The following ANKRD27 variants were observed in gnomAD, a reference collection of about 807,000 sequenced individuals.
ANKRD27 encodes ankyrin repeat domain 27.
ANKRD27 carries 112 observed loss-of-function variants against 129.7 expected under a neutral mutation model. That is an observed-to-expected ratio of 0.86 (90% CI 0.74 to 1.01). ANKRD27 has a LOEUF of 1.01. Ranked by LOEUF, ANKRD27 falls within the 50% of genes least tolerant of loss-of-function variation. The pLI, the probability that ANKRD27 is intolerant of heterozygous loss-of-function variation, is 0.00. For synonymous variants in ANKRD27, 516 were observed against 511.2 expected (o/e 1.01, Z -0.13); for missense variants, 1,258 against 1,300.5 (o/e 0.97, Z 0.50).
chr19:32,611,272 G>T (rs1394818837), intron 22 of ANKRD27, among the ~76,000 whole-genome samples: 1 of 152,084 alleles, frequency 6.6e-6, no homozygotes, highest in African/African-American at 2.4e-5. Context: ...AGGTACTGAG[G>T]GCCCGAGGGC....
intron 1 of ANKRD27, among the ~76,000 whole-genome samples, chr19:32,672,171 C>T (rs1245767026): frequency 1.3e-5 from 2 of 152,254 alleles, no homozygotes; most frequent in East Asian, 3.8e-4. Flanking sequence ...ACCAAACACT[C>T]TGACCAGGAA....
Position 32,644,318 on chromosome 19 carries a change from TACTG to T in ANKRD27, c.525+3_525+6del, listed in dbSNP as rs748924607. Reference sequence around the variant, plus strand: ...CACGCCAGGCAGAGGACAGCACGGCTACTGACTATGTGGTGACGGAGGCTCTTTC... The same window carrying T: ...CACGCCAGGCAGAGGACAGCACGGCTACTATGTGGTGACGGAGGCTCTTTC... On this transcript the variant is annotated splice_donor_5th_base_variant and intron_variant, in intron 5 of 28. Coordinates refer to ENST00000306065, the MANE Select transcript of ANKRD27 (RefSeq NM_032139.3). The T allele has an allele frequency of 6.8e-6, 11 of 1,610,992 alleles. No individual in the cohort carries two copies. In the South Asian group the frequency reaches 7.7e-5, roughly 11 times the overall value.
intron 10 of ANKRD27, among the ~76,000 whole-genome samples, chr19:32,641,389 T>G (rs731673): frequency 0.54 from 81,643 of 151,858 alleles, 22,265 homozygotes; most frequent in Non-Finnish European, 0.57. Context: ...TCACTTCCAT[T>G]TTATAGACAT....
intron 16 of ANKRD27, 26 bp downstream of exon 16, chr19:32,626,686 C>T: frequency 6.5e-7 from 1 of 1,550,012 alleles, no homozygotes; most frequent in South Asian, 1.2e-5. Flanking sequence ...AAAGCGACAG[C>T]CCGCCACAAA....
intron 1 of ANKRD27, among the ~76,000 whole-genome samples, chr19:32,660,162 A>G (rs549553318): frequency 3.3e-5 from 5 of 152,096 alleles, no homozygotes; most frequent in African/African-American, 1.2e-4. Flanking sequence ...TCCCCCAAAA[A>G]CTCATATGTT....
At chr19:32,659,932 A>G (rs975896962) in intron 1 of ANKRD27, among the ~76,000 whole-genome samples, 18 of 152,164 alleles carry the variant, frequency 1.2e-4, no homozygotes, top group Non-Finnish European at 2.4e-4. Context: ...ACAAAAATAA[A>G]CAATAAAAAT....
rs766519033 is a variant in ANKRD27, at chr19:32,644,368, C to G, written c.482G>C (p.Arg161Pro). The change falls in exon 5 of 29, where the codon CGA becomes CCA. Residue 161 changes from arginine (R) to proline (P), a missense_variant. Arg to Pro is a moderately radical substitution (Grantham distance 103). Transcript: ENST00000306065. ...RFDRNIASFH[R>P]TFRECERKSL... ...CTTTCTCTCGCATTCTCGGAATGTT[C>G]GATGGAAAGAGGCGATGTTCCTGTC... 1.9e-6 allele frequency: 3 copies of G among 1,613,814 alleles called. No individual in the cohort carries two copies. The highest frequency in any genetic ancestry group is 3.3e-5 in the Admixed American group (2 of 59,974).
At chr19:32,673,791 T>C (rs259285) in intron 1 of ANKRD27, among the ~76,000 whole-genome samples, 82,244 of 151,826 alleles carry the variant, frequency 0.54, 23,538 homozygotes, top group Non-Finnish European at 0.65. Context: ...CGGGGCTCAG[T>C]ACACCGGACC....
rs951722542 is a variant in ANKRD27 at position 32,668,859 on chromosome 19, CA to C, written c.-31+6211del. Among the ~76,000 whole-genome samples, 193 of 152,266 alleles carry C rather than the reference CA, an allele frequency of 1.3e-3. 2 individuals are homozygous for C. In the East Asian group the frequency reaches 0.018, roughly 14 times the overall value. On this transcript the variant is annotated intron_variant, in intron 1 of 28. Coordinates refer to ENST00000306065, the MANE Select transcript of ANKRD27 (RefSeq NM_032139.3). ...TATAAGTGTGAGCCACTGCACCCAG[CA>C]CTCATCCTATCTTAATGCTCACAAT...
intron 15 of ANKRD27, among the ~76,000 whole-genome samples, chr19:32,627,350 A>C (rs1966902120): frequency 6.7e-6 from 1 of 149,806 alleles, no homozygotes. Flanking sequence ...TCTATCTTGA[A>C]TGTGCACTTT....
intron 25 of ANKRD27, 58 bp downstream of exon 25, chr19:32,604,205 C>CCAGCTTAA: frequency 6.5e-7 from 1 of 1,532,922 alleles, no homozygotes; most frequent in East Asian, 2.3e-5. Flanking sequence ...ACAAAGGGAT[C>CCAGCTTAA]CAGAGGGAGC....
intron 1 of ANKRD27, among the ~76,000 whole-genome samples, chr19:32,664,676 T>C (rs2145324075): frequency 6.8e-6 from 1 of 147,438 alleles, no homozygotes; most frequent in Admixed American, 6.8e-5. Flanking sequence ...TTCTTCATGA[T>C]GGCCGGGCAC....
intron 26 of ANKRD27, chr19:32,600,385 CA>C: frequency 5.1e-6 from 1 of 195,818 alleles, no homozygotes; most frequent in East Asian, 1.1e-4. Context: ...ACCCAAAATA[CA>C]AAAACTTAGC....
At chr19:32,658,555 A>G (rs1247515415) in intron 2 of ANKRD27, among the ~76,000 whole-genome samples, 1 of 152,226 alleles carries the variant, frequency 6.6e-6, no homozygotes, top group Non-Finnish European at 1.5e-5. Flanking sequence ...CAGGACTCGT[A>G]AGGCCCCAGG....
In ANKRD27 at chr19:32,607,768, G is replaced by A. The variant is rs377167587; in HGVS notation, c.2240C>T (p.Pro747Leu). The change falls in exon 23 of 29, where the codon CCG (proline) becomes CTG (leucine). Residue 747 changes from proline to leucine, a missense_variant. By Grantham distance (98) the Pro-to-Leu change is moderately conservative (BLOSUM62 -3). Coordinates refer to ENST00000306065, the MANE Select transcript of ANKRD27 (RefSeq NM_032139.3). ...GCCGTGCAGGGCGGCGACATGCAGC[G>A]GGGAGGAGCCGTCCTGGCTGGTCAC... Reference protein sequence around the residue: ...VNVTSQDGSSPLHVAALHGRA... With the variant: ...VNVTSQDGSSLLHVAALHGRA... The A allele has an allele frequency of 1.2e-4, 192 of 1,612,624 alleles. No homozygotes were observed. Among genetic ancestry groups the A allele is most frequent in the Non-Finnish European group, 1.4e-4 (160 of 1,179,586 alleles).
chr19:32,649,911 C>T (rs62124325), intron 2 of ANKRD27, 119 bp from the exon 3 acceptor site: 19,340 of 713,072 alleles, frequency 0.027, 478 homozygotes, highest in South Asian at 0.073. Flanking sequence ...GCAGAGAGAA[C>T]GCCCGAGGTC....
chr19:32,674,170 CGAAAAGAAA>C (rs1967931691), intron 1 of ANKRD27, among the ~76,000 whole-genome samples: 1 of 151,718 alleles, frequency 6.6e-6, no homozygotes, highest in East Asian at 1.9e-4. Context: ...AAGAAAAAAA[CGAAAAGAAA>C]GAAAAGAAAA....
intron 21 of ANKRD27, among the ~76,000 whole-genome samples, chr19:32,616,001 C>T (rs3760938): frequency 0.39 from 59,818 of 151,848 alleles, 14,749 homozygotes; most frequent in Non-Finnish European, 0.56. Context: ...TAAAAAAGGA[C>T]AGGAAGATTG....
chr19:32,627,312 GC>G (rs1966901578), intron 15 of ANKRD27, among the ~76,000 whole-genome samples: 1 of 152,102 alleles, frequency 6.6e-6, no homozygotes. Context: ...GACAGGGATG[GC>G]CGGGGACTCT....
Sources: allele counts gnomAD v4.1 joint callset (sites outside exome capture counted in the v4.1 genomes callset), GRCh38; gene constraint gnomAD v4.1.1; transcripts MANE v1.5; gene names NCBI Gene and HGNC (gene_info 2026-07-23, HGNC 2026-07-21).